Variants in LRP6 observed in about 807,000 individuals in gnomAD.
LRP6 encodes LDL receptor related protein 6, also known as low-density lipoprotein receptor-related protein 6.
A neutral mutation model predicts 184.1 loss-of-function variants in LRP6; 43 were observed. The observed-to-expected ratio is 0.23, with a 90% CI of 0.18 to 0.30. The LOEUF is 0.30. Ranked by LOEUF, LRP6 falls within the 10% of genes least tolerant of loss-of-function variation. The pLI, the probability that LRP6 is intolerant of heterozygous loss-of-function variation, is 1.00. For missense variants in LRP6, 1,571 were observed against 2,005.3 expected, an observed-to-expected ratio of 0.78 and a Z score of 4.14; for synonymous variants, 719 against 684.9, an observed-to-expected ratio of 1.05 and a Z score of -0.78.
At chr12:12,131,081 C>T (rs796854627) in intron 18 of LRP6, among the ~76,000 whole-genome samples, 188 bp from the exon 19 acceptor site, 1 of 146,092 alleles carries the variant, frequency 6.8e-6, no homozygotes, top group African/African-American at 2.5e-5. Context: ...AAAAATCCAG[C>T]AGGAAATTTC....
intron 1 of LRP6, among the ~76,000 whole-genome samples, chr12:12,257,179 G>T (rs1382063463): frequency 6.6e-6 from 1 of 152,158 alleles, no homozygotes; most frequent in South Asian, 2.1e-4. Flanking sequence ...AGATAGTGGT[G>T]ATGTTTTACA....
intron 1 of LRP6, among the ~76,000 whole-genome samples, chr12:12,252,840 C>T (rs1323959277): frequency 6.6e-6 from 1 of 152,138 alleles, no homozygotes; most frequent in East Asian, 1.9e-4. Flanking sequence ...TACATATATA[C>T]ATTCTTGATA....
Position 12,164,324 on chromosome 12 carries a change from C to T in LRP6, c.2001G>A (p.Leu667=), listed in dbSNP as rs1296784432. ...PLTGVKEASA[L]DFDVTDNRIY... ...TTCGGTTGTCTGTCACATCAAAATC[C>T]AAAGCAGAAGCTTCTTTGACACCAG... is the stretch of plus-strand genomic sequence containing the variant. The change falls in exon 9 of 23, where the codon TTG becomes TTA. Residue 667 remains leucine, a synonymous_variant. Transcript: ENST00000261349. 1.2e-6 allele frequency: 2 copies of T among 1,614,040 alleles called. No individual in the cohort carries two copies. Among genetic ancestry groups the T allele is most frequent in the East Asian group, 2.2e-5 (1 of 44,886 alleles).
chr12:12,248,261 TG>T (rs933226841), intron 1 of LRP6, among the ~76,000 whole-genome samples: 33 of 152,278 alleles, frequency 2.2e-4, no homozygotes, highest in African/African-American at 7.9e-4. Context: ...TCCTTGCTAT[TG>T]TTTTGTTTTA....
intron 16 of LRP6, 139 bp downstream of exon 16, chr12:12,138,186 A>C: frequency 1.3e-6 from 1 of 755,750 alleles, no homozygotes; most frequent in East Asian, 2.7e-5. Context: ...AAAAAAAAGC[A>C]TGGAGAGTTC....
intron 17 of LRP6, among the ~76,000 whole-genome samples, chr12:12,133,143 C>G (rs1270718784): frequency 1.3e-5 from 2 of 152,142 alleles, no homozygotes; most frequent in African/African-American, 4.8e-5. Flanking sequence ...TATCCACGTC[C>G]TTAAAGCAGT....
chr12:12,138,325 T>C lies in LRP6; in HGVS notation c.3607A>G (p.Arg1203Gly). ...TTAGCTTTATCCCATTAACACTTACTGTATTCTTGAAGGTTCAGCTCCTTT... is the reference window on the plus strand; with the variant it reads ...TTAGCTTTATCCCATTAACACTTACCGTATTCTTGAAGGTTCAGCTCCTTT... The part of the protein sequence containing the change: ...AVKELNLQEY[R>G]QHPCAQDNGG... The change falls in exon 16 of 23, where the codon AGA becomes GGA. Residue 1203 changes from arginine to glycine, a missense_variant and splice_region_variant. Transcript: ENST00000261349. 3 of 1,611,718 alleles carry C rather than the reference T, an allele frequency of 1.9e-6. 1 individual carries two copies. The South Asian group carries it at 3.3e-5, about 18-fold the overall frequency.
intron 7 of LRP6, among the ~76,000 whole-genome samples, chr12:12,176,451 G>C (rs1863185384): frequency 6.6e-6 from 1 of 152,124 alleles, no homozygotes; most frequent in African/African-American, 2.4e-5. Context: ...TAAAAAATGT[G>C]ACATCATTAG....
chr12:12,186,914 A>C lies in LRP6; in HGVS notation c.844+9T>G. 6.2e-7 allele frequency: 1 copy of C among 1,613,402 alleles called. No individual in the cohort carries two copies. The highest frequency in any genetic ancestry group is 2.2e-5 in the East Asian group (1 of 44,876). On this transcript the variant is annotated intron_variant, in intron 4 of 22. Coordinates refer to ENST00000261349, the MANE Select transcript of LRP6 (RefSeq NM_002336.3). Reference sequence around the variant, plus strand: ...CCAACTTGCAATTTAAAAATCAAGGATCACTTACCATTTGGCTGCCTCTGT... The same window carrying C: ...CCAACTTGCAATTTAAAAATCAAGGCTCACTTACCATTTGGCTGCCTCTGT...
At chr12:12,265,921 G>A (rs1865745181) in intron 1 of LRP6, among the ~76,000 whole-genome samples, 1 of 152,140 alleles carries the variant, frequency 6.6e-6, no homozygotes, top group Admixed American at 6.5e-5. Context: ...GGGGTGCAGA[G>A]CAAATTATCA....
intron 21 of LRP6, 73 bp downstream of exon 21, chr12:12,125,223 C>A: frequency 6.4e-7 from 1 of 1,558,308 alleles, no homozygotes; most frequent in Non-Finnish European, 8.9e-7. Flanking sequence ...TATCACTGAT[C>A]ACCCACATTT....
rs1348192418 is a variant in LRP6, at chr12:12,159,028, T to G, written c.2592A>C (p.Gln864His). The part of the protein sequence containing the change: ...SIERANKTSG[Q>H]NRTIIQGHLD... ...AATGGCCCTGAATGATGGTGCGGTT[T>G]TGGCCACTGGTTTTGTTGGCACGCT... Residue 864 changes from glutamine to histidine, a missense_variant, in exon 12 of 23, where the codon CAA (glutamine) becomes CAC (histidine). This residue lies in a region of LRP6 where 158 missense variants were observed against 258.4 expected (regional missense o/e 0.61). Coordinates refer to ENST00000261349, the MANE Select transcript of LRP6 (RefSeq NM_002336.3). 6.2e-7 allele frequency: 1 copy of G among 1,614,098 alleles called. No homozygotes were observed. The highest frequency in any genetic ancestry group is 1.3e-5 in the African/African-American group (1 of 74,936).
intron 7 of LRP6, among the ~76,000 whole-genome samples, chr12:12,174,345 C>T (rs1322906870): frequency 6.6e-6 from 1 of 152,052 alleles, no homozygotes; most frequent in Non-Finnish European, 1.5e-5. Context: ...CTCCTGGCCT[C>T]CAGTGATCAG....
chr12:12,152,473 G>A (rs1021672071), intron 12 of LRP6, among the ~76,000 whole-genome samples: 4 of 151,940 alleles, frequency 2.6e-5, no homozygotes, highest in Non-Finnish European at 5.9e-5. Context: ...TTTTAGTAGA[G>A]ACAGGGTTTC....
intron 3 of LRP6, among the ~76,000 whole-genome samples, chr12:12,200,716 T>C (rs1251111065): frequency 6.6e-6 from 1 of 152,158 alleles, no homozygotes; most frequent in Non-Finnish European, 1.5e-5. Context: ...TATAAAGTAT[T>C]TTACTTGTTT....
chr12:12,219,492 C>A (rs1174072448), intron 2 of LRP6, among the ~76,000 whole-genome samples: 1 of 152,120 alleles, frequency 6.6e-6, no homozygotes, highest in Non-Finnish European at 1.5e-5. Flanking sequence ...CGTGAGCCAC[C>A]CCAACAGGCC....
chr12:12,156,391 A>C (rs1862580484), intron 12 of LRP6, among the ~76,000 whole-genome samples: 1 of 152,200 alleles, frequency 6.6e-6, no homozygotes, highest in Non-Finnish European at 1.5e-5. Context: ...CAAGAGAGAC[A>C]AGAGTAAAAG....
chr12:12,140,806 G>C (rs1949922208), intron 15 of LRP6, among the ~76,000 whole-genome samples: 1 of 152,046 alleles, frequency 6.6e-6, no homozygotes. Flanking sequence ...GTTTCACCAT[G>C]GTGGCCAGGC....
At chr12:12,171,732 T>C (rs1037853115) in intron 7 of LRP6, among the ~76,000 whole-genome samples, 3 of 152,158 alleles carry the variant, frequency 2.0e-5, no homozygotes, top group Admixed American at 2.0e-4. Flanking sequence ...TTCTGAAATG[T>C]TTCCTTCCAT....
Sources: gnomAD v4.1 joint callset for allele counts (sites outside exome capture counted in the v4.1 genomes callset) on GRCh38, gnomAD v4.1.1 for gene constraint, gnomAD v4.1.1 regional missense constraint, MANE v1.5 for transcripts, NCBI Gene and HGNC (gene_info 2026-07-23, HGNC 2026-07-21) for gene names.